TGFBR3: variants seen among roughly 807,000 people sequenced by gnomAD.
TGFBR3 encodes transforming growth factor beta receptor type 3.
A neutral mutation model predicts 87.9 loss-of-function variants in TGFBR3; 46 were observed. That is an observed-to-expected ratio of 0.52 (90% CI 0.41 to 0.67). TGFBR3 has a LOEUF of 0.67. TGFBR3 is among the 30% of genes least tolerant of loss of function. The pLI, the probability that TGFBR3 is intolerant of heterozygous loss-of-function variation, is 0.00. For missense variants in TGFBR3, 866 were observed against 1,041.9 expected (o/e 0.83, Z 2.32); for synonymous variants, 381 against 391.6 (o/e 0.97, Z 0.32).
intron 7 of TGFBR3, 148 bp downstream of exon 7, chr1:91,727,511 G>A (rs2100802932): frequency 1.0e-6 from 1 of 982,126 alleles, no homozygotes; most frequent in South Asian, 1.6e-5. Flanking sequence ...CTATTTTATA[G>A]GAGCATGCTA....
intron 3 of TGFBR3, 109 bp downstream of exon 3, chr1:91,797,178 A>T: frequency 8.4e-7 from 1 of 1,184,794 alleles, no homozygotes; most frequent in Non-Finnish European, 1.3e-6. Context: ...TTATGTTCAT[A>T]CATGAGCTTC....
At chr1:91,877,679 G>A (rs866490744) in intron 1 of TGFBR3, among the ~76,000 whole-genome samples, 2 of 152,174 alleles carry the variant, frequency 1.3e-5, no homozygotes, top group African/African-American at 4.8e-5. Flanking sequence ...GCAACAAGTA[G>A]GTCATCCTTC....
intron 4 of TGFBR3, among the ~76,000 whole-genome samples, chr1:91,750,584 A>G (rs926991667): frequency 1.3e-5 from 2 of 152,226 alleles, no homozygotes; most frequent in Non-Finnish European, 2.9e-5. Flanking sequence ...ACCACTTGGA[A>G]TATCCCACAG....
chr1:91,840,615 T>G (rs1677238417), intron 2 of TGFBR3, among the ~76,000 whole-genome samples: 1 of 152,178 alleles, frequency 6.6e-6, no homozygotes, highest in African/African-American at 2.4e-5. Flanking sequence ...CATATTTCAT[T>G]ATATAATATT....
chr1:91,739,084 A>G (rs888419292), intron 4 of TGFBR3, among the ~76,000 whole-genome samples: 3 of 152,208 alleles, frequency 2.0e-5, no homozygotes, highest in African/African-American at 7.2e-5. Context: ...CACAGGGCTG[A>G]GGCAAGGTTG....
chr1:91,724,882 G>A (rs1672496549), intron 7 of TGFBR3, among the ~76,000 whole-genome samples: 2 of 152,136 alleles, frequency 1.3e-5, no homozygotes, highest in Admixed American at 1.3e-4. Context: ...GGGGAGGGAG[G>A]ACTAAGGAAG....
chr1:91,708,899 C>A, intron 13 of TGFBR3, 116 bp from the exon 14 acceptor site: 4 of 1,430,292 alleles, frequency 2.8e-6, no homozygotes, highest in Non-Finnish European at 3.8e-6. Flanking sequence ...CTGTTCACTA[C>A]AGAAAAGCAA....
chr1:91,793,850 G>A (rs1427103017), intron 3 of TGFBR3, among the ~76,000 whole-genome samples: 2 of 150,322 alleles, frequency 1.3e-5, no homozygotes, highest in Non-Finnish European at 3.0e-5. Context: ...CTGCACAAAG[G>A]CTGCCTCTGG....
chr1:91,706,406 G>A (rs1217470141), intron 14 of TGFBR3, among the ~76,000 whole-genome samples: 1 of 152,114 alleles, frequency 6.6e-6, no homozygotes, highest in Non-Finnish European at 1.5e-5. Flanking sequence ...TGTCCTCACT[G>A]CTCATTATAC....
At chr1:91,847,410 C>T (rs550760881) in intron 2 of TGFBR3, among the ~76,000 whole-genome samples, 1 of 151,842 alleles carries the variant, frequency 6.6e-6, no homozygotes, top group Non-Finnish European at 1.5e-5. Flanking sequence ...TCGAGACCAG[C>T]CTGAGCAACA....
In TGFBR3 at chr1:91,682,076, A is replaced by C. The variant is rs375232472; in HGVS notation, c.*1663T>G. On this transcript the variant is annotated 3_prime_UTR_variant, in exon 17 of 17. Transcript: ENST00000212355. ...AAAAAATGTTCCTTATTGAATGTGT[A>C]TATCTATCAGGTAAGTCATATTATT... The C allele has an allele frequency of 2.2e-6, 1 of 453,910 alleles. No individual in the cohort carries two copies. The highest frequency in any genetic ancestry group is 4.4e-6 in the Non-Finnish European group (1 of 226,754). 28.1% of individuals were successfully genotyped at this position (453,910 alleles called of 1,614,324 possible).
In TGFBR3 at chr1:91,741,070, A is replaced by G. The variant is rs577115106; in HGVS notation, c.385-6111T>C. On this transcript the variant is annotated intron_variant, in intron 4 of 16. Transcript: ENST00000212355. ...ACTAATTCTCCAACTCAGAACACCA[A>G]TTGATGCTGTGTATTTCGATGTAAT... 2.1e-3 allele frequency among the ~76,000 whole-genome samples: 321 copies of G among 152,288 alleles called. 1 individual carries two copies. The highest frequency in any genetic ancestry group is 7.5e-3 in the African/African-American group (311 of 41,562).
At chr1:91,836,512 G>A (rs979035593) in intron 2 of TGFBR3, among the ~76,000 whole-genome samples, 1 of 152,132 alleles carries the variant, frequency 6.6e-6, no homozygotes. Context: ...GGCTCTTAAC[G>A]TCTATGCTCT....
chr1:91,838,405 A>G (rs1381616780), intron 2 of TGFBR3, among the ~76,000 whole-genome samples: 1 of 152,120 alleles, frequency 6.6e-6, no homozygotes, highest in Non-Finnish European at 1.5e-5. Flanking sequence ...ACTACTTTCT[A>G]AAACAAAATG....
At chr1:91,750,888 T>C (rs908986560) in intron 4 of TGFBR3, among the ~76,000 whole-genome samples, 1 of 152,216 alleles carries the variant, frequency 6.6e-6, no homozygotes, top group Non-Finnish European at 1.5e-5. Context: ...AGAATTCTCA[T>C]TTTCTCCAAT....
rs1484572101 is a variant in TGFBR3, at chr1:91,780,188, C to T, written c.246+17099G>A. On this transcript the variant is annotated intron_variant, in intron 3 of 16. Coordinates refer to ENST00000212355, the MANE Select transcript of TGFBR3 (RefSeq NM_003243.5). ...ACATTCCCAGGTTTAGGGGTTAGAA[C>T]GTGGATATATCTTTGGGGGCCATTA... 3.3e-5 allele frequency among the ~76,000 whole-genome samples: 5 copies of T among 152,270 alleles called. No individual in the cohort carries two copies. In the East Asian group the frequency reaches 7.7e-4, roughly 23 times the overall value.
At position 91,716,365 on chromosome 1, in the gene TGFBR3, G is replaced by T. The variant is rs111842248; in HGVS notation, c.1737C>A (p.Asn579Lys). Reference protein sequence around the residue: ...VFNCSLQQVRNPSSFQEQPHG... With the variant: ...VFNCSLQQVRKPSSFQEQPHG... ...GGGGCTGTTCCTGGAAGCTGCTGGG[G>T]TTCCTCACCTGCTGAAGGCTGCAAT... The change falls in exon 12 of 17, where the codon AAC (asparagine) becomes AAA (lysine). Residue 579 changes from asparagine (N) to lysine (K), a missense_variant. Asn to Lys is a moderately conservative substitution (Grantham distance 94, BLOSUM62 0). Transcript: ENST00000212355. The T allele has an allele frequency of 3.1e-6, 5 of 1,614,154 alleles. No homozygotes were observed.
At chr1:91,724,501 C>T (rs1672483832) in intron 7 of TGFBR3, among the ~76,000 whole-genome samples, 1 of 152,210 alleles carries the variant, frequency 6.6e-6, no homozygotes, top group African/African-American at 2.4e-5. Context: ...TAACTGCCAC[C>T]TGTCCTTTTG....
intron 2 of TGFBR3, among the ~76,000 whole-genome samples, chr1:91,833,112 T>C (rs1244910215): frequency 2.7e-5 from 4 of 149,996 alleles, no homozygotes; most frequent in East Asian, 2.0e-4. Flanking sequence ...CTGGCCAACA[T>C]AGCGAAACCC....
Sources: allele counts gnomAD v4.1 joint callset (sites outside exome capture counted in the v4.1 genomes callset), GRCh38; gene constraint gnomAD v4.1.1; transcripts MANE v1.5; gene names NCBI Gene and HGNC (gene_info 2026-07-23, HGNC 2026-07-21).